MMP25: variants seen among roughly 807,000 people sequenced by gnomAD.
MMP25 encodes the protein matrix metalloproteinase-25.
In MMP25, 68 loss-of-function variants were observed where a neutral mutation model predicts 62.1. The observed-to-expected ratio is 1.10, with a 90% CI of 0.90 to 1.34. The LOEUF is 1.34. Ranked by LOEUF, MMP25 falls within the 40% of genes most tolerant of loss-of-function variation. MMP25 has a pLI of 0.00. For missense variants in MMP25, 942 were observed against 792.5 expected, an observed-to-expected ratio of 1.19 and a Z score of -2.26; for synonymous variants, 407 against 345.6, an observed-to-expected ratio of 1.18 and a Z score of -1.97.
At chr16:3,055,391 C>T (rs1458692882) in intron 4 of MMP25, among the ~76,000 whole-genome samples, 2 of 152,152 alleles carry the variant, frequency 1.3e-5, no homozygotes, top group African/African-American at 2.4e-5. Flanking sequence ...CCCCCAGTTT[C>T]TCAGAAAAAG....
Position 3,059,195 on chromosome 16 carries a change from T to A in MMP25, c.*97T>A. ...TGTGAGGCGCTGCGGAGGCCCCTTG[T>A]CTGTTCCCACGGACGGGGGCTCGGG... On this transcript the variant is annotated 3_prime_UTR_variant, in exon 10 of 10. Transcript: ENST00000336577. 7.3e-7 allele frequency: 1 copy of A among 1,365,134 alleles called. No individual in the cohort carries two copies. The highest frequency in any genetic ancestry group is 9.6e-7 in the Non-Finnish European group (1 of 1,037,774). The allele number at this position is 1,365,134 out of a possible 1,614,324, so 84.6% of individuals were successfully genotyped here.
rs1314340449 is a variant in MMP25 at position 3,060,156 on chromosome 16, C to G, written c.*1058C>G. 1 of 152,236 alleles carries G rather than the reference C, an allele frequency of 6.6e-6. No homozygotes were observed. Among genetic ancestry groups the G allele is most frequent in the Non-Finnish European group, 1.5e-5 (1 of 68,110 alleles). 9.4% of individuals were successfully genotyped at this position (152,236 alleles called of 1,614,324 possible). A position where few individuals can be genotyped will look rare whatever the true frequency, so the allele number is the denominator to read the frequency against. ...ACCTCGTTCACCCTGTCCCCACTCCCCACAGTTTTAGGATCTAAATGATTG... is the reference window on the plus strand; with the variant it reads ...ACCTCGTTCACCCTGTCCCCACTCCGCACAGTTTTAGGATCTAAATGATTG... On this transcript the variant is annotated 3_prime_UTR_variant, in exon 10 of 10. Coordinates refer to ENST00000336577, the MANE Select transcript of MMP25 (RefSeq NM_022468.5).
In MMP25 at chr16:3,057,171, T is replaced by G. The variant is rs201815738; in HGVS notation, c.800T>G (p.Leu267Arg). The change falls in exon 5 of 10, where the codon CTG becomes CGG. Residue 267 changes from leucine to arginine, a missense_variant. Physicochemically the swap from Leu to Arg is moderately radical, Grantham distance 102 (BLOSUM62 -2). Coordinates refer to ENST00000336577, the MANE Select transcript of MMP25 (RefSeq NM_022468.5). ...GTGGGCGACCCTGACAAGTACCGCC[T>G]GTCTCAGGATGACCGCGATGGCCTG... Reference protein sequence around the residue: ...GPVGDPDKYRLSQDDRDGLQQ... With the variant: ...GPVGDPDKYRRSQDDRDGLQQ... 1 of 1,612,680 alleles carries G rather than the reference T, an allele frequency of 6.2e-7. No individual in the cohort carries two copies. Among genetic ancestry groups the G allele is most frequent in the East Asian group, 2.2e-5 (1 of 44,864 alleles).
chr16:3,058,382 A>AC, intron 8 of MMP25, 30 bp from the exon 9 acceptor site: 1 of 1,496,804 alleles, frequency 6.7e-7, no homozygotes, highest in Non-Finnish European at 8.9e-7. Context: ...CGGGGAGCCC[A>AC]CCCCTGACCT....
rs1312003502 is a variant in MMP25 at position 3,059,295 on chromosome 16, TCTC to T, written c.*201_*203del. ...ACCGGTCGCCTGGCGCTGGGCTCAGTCTCCTCAGGGTCTGAGACCCCGGCGCTG... is the reference window on the plus strand; with the variant it reads ...ACCGGTCGCCTGGCGCTGGGCTCAGTCTCAGGGTCTGAGACCCCGGCGCTG... On this transcript the variant is annotated 3_prime_UTR_variant, in exon 10 of 10. Coordinates refer to ENST00000336577, the MANE Select transcript of MMP25 (RefSeq NM_022468.5). 7 of 601,710 alleles carry T rather than the reference TCTC, an allele frequency of 1.2e-5. No homozygotes were observed. The highest frequency in any genetic ancestry group is 1.9e-5 in the Non-Finnish European group (7 of 374,388). 37.3% of individuals were successfully genotyped at this position (601,710 alleles called of 1,614,324 possible).
Position 3,050,165 on chromosome 16 carries a change from G to A in MMP25, c.368+21G>A, listed in dbSNP as rs111540796. On this transcript the variant is annotated intron_variant, in intron 3 of 9. Transcript: ENST00000336577. ...TGGAGGTAGGTCCTGGGGCCCACCC[G>A]CACCCTGGCCCTGCCTGCTGGGCTC... is the stretch of plus-strand genomic sequence containing the variant. The A allele has an allele frequency of 9.2e-4, 1,472 of 1,591,796 alleles. 3 individuals are homozygous for A. In the African/African-American group the frequency reaches 0.012, roughly 13 times the overall value.
chr16:3,056,888 A>T (rs1287388233), intron 4 of MMP25, 145 bp from the exon 5 acceptor site: 22 of 736,396 alleles, frequency 3.0e-5, no homozygotes, highest in Non-Finnish European at 4.5e-5. Context: ...TGGAGAGTTC[A>T]GGAAGGGCTG....
At chr16:3,048,448 T>C (rs1441610155) in intron 2 of MMP25, among the ~76,000 whole-genome samples, 1 of 152,104 alleles carries the variant, frequency 6.6e-6, no homozygotes, top group Non-Finnish European at 1.5e-5. Flanking sequence ...ATCAAGAACA[T>C]AAATATGAAA....
chr16:3,048,773 G>A (rs115019427), intron 2 of MMP25, among the ~76,000 whole-genome samples: 41 of 152,114 alleles, frequency 2.7e-4, no homozygotes, highest in African/African-American at 9.2e-4. Context: ...GTTCTCAGAA[G>A]GGAAGCAATT....
intron 2 of MMP25, among the ~76,000 whole-genome samples, chr16:3,047,849 T>C (rs1955843038): frequency 6.6e-6 from 1 of 151,624 alleles, no homozygotes; most frequent in Non-Finnish European, 1.5e-5. Context: ...TTTTTTTTTT[T>C]TTTTTTTGAG....
chr16:3,049,739 C>A (rs1350974940), intron 2 of MMP25, among the ~76,000 whole-genome samples: 2 of 152,212 alleles, frequency 1.3e-5, no homozygotes, highest in South Asian at 2.1e-4. Context: ...GATGCAAAAT[C>A]CTGGCCTGAG....
chr16:3,052,536 T>TG (rs989974839), intron 4 of MMP25: 71 of 151,958 alleles, frequency 4.7e-4, no homozygotes, highest in African/African-American at 1.6e-3. Context: ...TGGTGGAGTG[T>TG]GGTCCTGGGG....
intron 4 of MMP25, among the ~76,000 whole-genome samples, chr16:3,056,418 G>A (rs1210409104): frequency 1.4e-5 from 2 of 146,986 alleles, no homozygotes; most frequent in Non-Finnish European, 3.0e-5. Context: ...TACTTTTTTT[G>A]AGACGGGGCC....
Position 3,059,050 on chromosome 16 carries a change from C to T in MMP25, c.1641C>T (p.Ile547=). 6.4e-7 allele frequency: 1 copy of T among 1,551,708 alleles called. No homozygotes were observed. The highest frequency in any genetic ancestry group is 8.7e-7 in the Non-Finnish European group (1 of 1,147,194). The change falls in exon 10 of 10, where the codon ATC becomes ATT. Residue 547 remains isoleucine, a synonymous_variant. Coordinates refer to ENST00000336577, the MANE Select transcript of MMP25 (RefSeq NM_022468.5). The stretch of plus-strand genomic sequence containing the variant: ...CCGCAGGACGTTGGCCTGCTCCCAT[C>T]CCGCTGCTCCTCTTGCCCCTGCTGG... The part of the protein sequence containing the change: ...NQAAGRWPAP[I]PLLLLPLLVG...
chr16:3,058,048 G>A lies in MMP25; in HGVS notation c.1007-133G>A, dbSNP rs189481745. On this transcript the variant is annotated intron_variant, in intron 7 of 9. Transcript: ENST00000336577. ...AAGGGAAAAGTCTCAGGCGGGCCAG[G>A]ATGGGCTGGTCACCCTAGATCCATT... 8.4e-5 allele frequency: 91 copies of A among 1,086,610 alleles called. 1 individual carries two copies. The highest frequency in any genetic ancestry group is 4.6e-4 in the Admixed American group (17 of 36,810). The allele number at this position is 1,086,610 out of a possible 1,614,324, so 67.3% of individuals were successfully genotyped here. A position where few individuals can be genotyped will look rare whatever the true frequency, so the allele number is the denominator to read the frequency against.
intron 2 of MMP25, among the ~76,000 whole-genome samples, chr16:3,049,021 A>T (rs1179743407): frequency 1.3e-5 from 2 of 151,926 alleles, no homozygotes; most frequent in African/African-American, 4.8e-5. Context: ...TTGGCCAAGC[A>T]GGTCTCGAAC....
chr16:3,059,321 CT>C lies in MMP25; in HGVS notation c.*224del. 2.3e-6 allele frequency: 1 copy of C among 443,544 alleles called. No individual in the cohort carries two copies. Among genetic ancestry groups the C allele is most frequent in the East Asian group, 3.6e-5 (1 of 27,732 alleles). The allele number at this position is 443,544 out of a possible 1,614,324, so 27.5% of individuals were successfully genotyped here. Reference sequence around the variant, plus strand: ...CTCCTCAGGGTCTGAGACCCCGGCGCTGCCACCGGAACCCGCCTTCAGGGGC... The same window carrying C: ...CTCCTCAGGGTCTGAGACCCCGGCGCGCCACCGGAACCCGCCTTCAGGGGC... On this transcript the variant is annotated 3_prime_UTR_variant, in exon 10 of 10. Transcript: ENST00000336577.
In MMP25 at chr16:3,046,800, T is replaced by C; in HGVS notation, c.-118T>C. ...CCCAGCCCTCCGGCCGATCCCTCCC[T>C]ACTCGGTGCCGGGTGCCCCCCGCCC... On this transcript the variant is annotated 5_prime_UTR_variant, in exon 1 of 10. Transcript: ENST00000336577. 1 of 513,576 alleles carries C rather than the reference T, an allele frequency of 1.9e-6. No individual in the cohort carries two copies. Among genetic ancestry groups the C allele is most frequent in the Non-Finnish European group, 3.3e-6 (1 of 306,812 alleles). 31.8% of individuals were successfully genotyped at this position (513,576 alleles called of 1,614,324 possible).
chr16:3,058,435 G>A lies in MMP25; in HGVS notation c.1183G>A (p.Asp395Asn). The change falls in exon 9 of 10, where the codon GAC becomes AAC. Residue 395 changes from aspartate (D) to asparagine (N), a missense_variant. Transcript: ENST00000336577. The part of the protein sequence containing the change: ...FSGPQFWVFQ[D>N]RQLEGGARPL... ...AGGGCCCCAGTTCTGGGTGTTCCAG[G>A]ACCGGCAGCTGGAGGGCGGGGCGCG... 1 of 1,581,394 alleles carries A rather than the reference G, an allele frequency of 6.3e-7. No individual in the cohort carries two copies.
Sources: allele counts gnomAD v4.1 joint callset (sites outside exome capture counted in the v4.1 genomes callset), GRCh38; gene constraint gnomAD v4.1.1; transcripts MANE v1.5; gene names NCBI Gene and HGNC (gene_info 2026-07-23, HGNC 2026-07-21).